C2orf80: variants seen among roughly 807,000 people sequenced by gnomAD.
The protein encoded by C2orf80 is chromosome 2 open reading frame 80, also known as uncharacterized protein C2orf80.
A neutral mutation model predicts 30.2 loss-of-function variants in C2orf80; 28 were observed. The ratio of observed to expected loss-of-function variants is 0.93; its 90% CI spans 0.69 to 1.27. The LOEUF (loss-of-function observed/expected upper bound fraction) is 1.27. Ranked by LOEUF, C2orf80 falls within the 50% of genes most tolerant of loss-of-function variation. C2orf80 has a pLI of 0.00. For synonymous variants in C2orf80, 80 were observed against 76.4 expected (o/e 1.05, Z -0.24); for missense variants, 220 against 231.0 (o/e 0.95, Z 0.31).
intron 6 of C2orf80, among the ~76,000 whole-genome samples, chr2:208,173,936 T>C (rs1270760719): frequency 6.6e-6 from 1 of 152,042 alleles, no homozygotes; most frequent in Non-Finnish European, 1.5e-5. Context: ...AGTGTGTTTT[T>C]AATCCCTCAT....
Position 208,182,251 on chromosome 2 carries a change from T to C in C2orf80, c.206+714A>G, listed in dbSNP as rs564399901. On this transcript the variant is annotated intron_variant, in intron 4 of 8. Transcript: ENST00000341287. Reference sequence around the variant, plus strand: ...GCTGGTAATCCCAGAAAGAAAATTATTCTGCGCTTCAAACAGCTCAGCTCA... The same window carrying C: ...GCTGGTAATCCCAGAAAGAAAATTACTCTGCGCTTCAAACAGCTCAGCTCA... 1.8e-4 allele frequency among the ~76,000 whole-genome samples: 27 copies of C among 152,344 alleles called. No homozygotes were observed. The South Asian group carries it at 4.1e-3, about 23-fold the overall frequency.
intron 8 of C2orf80, among the ~76,000 whole-genome samples, chr2:208,169,670 G>A (rs1319845444): frequency 6.7e-6 from 1 of 149,226 alleles, no homozygotes; most frequent in Non-Finnish European, 1.5e-5. Context: ...CTGAGATTGT[G>A]CCATTGCACT....
At chr2:208,166,116 A>G (rs528562080) in intron 8 of C2orf80, among the ~76,000 whole-genome samples, 18 of 152,368 alleles carry the variant, frequency 1.2e-4, no homozygotes, top group African/African-American at 4.1e-4. Context: ...TAGAGAGTAC[A>G]TTAAATAAAA....
At chr2:208,180,064 A>T (rs1276361753) in intron 6 of C2orf80, among the ~76,000 whole-genome samples, 1 of 152,186 alleles carries the variant, frequency 6.6e-6, no homozygotes, top group African/African-American at 2.4e-5. Flanking sequence ...ATCTTGTCCT[A>T]GTTCTAGAAG....
At chr2:208,173,990 T>TCTCCACCCTGTCTC (rs2105897143) in intron 6 of C2orf80, among the ~76,000 whole-genome samples, 1 of 152,188 alleles carries the variant, frequency 6.6e-6, no homozygotes, top group African/African-American at 2.4e-5. Flanking sequence ...CCTCACCCTG[T>TCTCCACCCTGTCTC]CACCCAGGCT....
chr2:208,170,765 G>A (rs1452495465), intron 8 of C2orf80, among the ~76,000 whole-genome samples, 180 bp downstream of exon 8: 1 of 152,166 alleles, frequency 6.6e-6, no homozygotes, highest in African/African-American at 2.4e-5. Context: ...TGCAGATGAG[G>A]AAACTAAGGC....
intron 1 of C2orf80, among the ~76,000 whole-genome samples, chr2:208,187,843 CTCTA>C (rs1372550401): frequency 6.6e-6 from 1 of 151,552 alleles, no homozygotes; most frequent in Non-Finnish European, 1.5e-5. Flanking sequence ...GCAGATTGCC[CTCTA>C]TCTGAGTGAG....
chr2:208,176,953 C>CAGATA (rs1559340548), intron 6 of C2orf80, among the ~76,000 whole-genome samples: 363 of 4,948 alleles, frequency 0.073, 30 homozygotes, highest in African/African-American at 0.13. Flanking sequence ...GTATACATAT[C>CAGATA]TGTATACATA....
At chr2:208,188,909 G>T (rs1415975801) in intron 1 of C2orf80, among the ~76,000 whole-genome samples, 1 of 152,128 alleles carries the variant, frequency 6.6e-6, no homozygotes, top group Non-Finnish European at 1.5e-5. Context: ...ATGGGGAGAG[G>T]ATGCAGCAAG....
intron 1 of C2orf80, among the ~76,000 whole-genome samples, chr2:208,188,795 G>A (rs1696794468): frequency 6.6e-6 from 1 of 152,160 alleles, no homozygotes; most frequent in Non-Finnish European, 1.5e-5. Context: ...AGTTTTTGGG[G>A]AGTGGACGGG....
chr2:208,183,153 T>C (rs1324495970), intron 3 of C2orf80, 106 bp from the exon 4 acceptor site: 1 of 813,096 alleles, frequency 1.2e-6, no homozygotes, highest in East Asian at 2.5e-5. Context: ...TAGTCTGTCA[T>C]GTCCAAAATG....
intron 7 of C2orf80, 105 bp downstream of exon 7, chr2:208,171,883 G>T (rs1191501457): frequency 4.2e-6 from 4 of 960,904 alleles, no homozygotes; most frequent in African/African-American, 1.6e-5. Flanking sequence ...ACCAGACATA[G>T]AAATCTAATT....
chr2:208,177,513 C>T (rs1339344369), intron 6 of C2orf80, among the ~76,000 whole-genome samples: 2 of 152,148 alleles, frequency 1.3e-5, no homozygotes, highest in South Asian at 2.1e-4. Context: ...TGCACTCCAG[C>T]CTGGGCAACA....
At chr2:208,173,033 T>G (rs1326818440) in intron 6 of C2orf80, among the ~76,000 whole-genome samples, 2 of 146,788 alleles carry the variant, frequency 1.4e-5, no homozygotes, top group African/African-American at 5.0e-5. Flanking sequence ...GCAGGGGAAT[T>G]GCTTGAACCC....
intron 8 of C2orf80, among the ~76,000 whole-genome samples, chr2:208,166,716 G>C (rs577819830): frequency 6.6e-6 from 1 of 151,998 alleles, no homozygotes; most frequent in East Asian, 1.9e-4. Context: ...ATGCAGTGGC[G>C]GGATCTCGGC....
intron 8 of C2orf80, among the ~76,000 whole-genome samples, chr2:208,169,840 G>A (rs570600918): frequency 4.7e-4 from 71 of 152,208 alleles, no homozygotes; most frequent in African/African-American, 1.6e-3. Flanking sequence ...CAGTTGTTCT[G>A]TTATCAGAAT....
chr2:208,177,000 TATA>T (rs1696367505), intron 6 of C2orf80, among the ~76,000 whole-genome samples: 2 of 77,982 alleles, frequency 2.6e-5, no homozygotes, highest in South Asian at 4.5e-4. Flanking sequence ...TGTATACATA[TATA>T]CATATATACA....
At chr2:208,189,885 G>A in intron 1 of C2orf80, 68 bp downstream of exon 1, 1 of 701,198 alleles carries the variant, frequency 1.4e-6, no homozygotes, top group East Asian at 2.7e-5. Context: ...TGCAATCGTG[G>A]TACAGGTCTC....
chr2:208,179,713 T>C (rs1696489955), intron 6 of C2orf80, among the ~76,000 whole-genome samples: 1 of 152,094 alleles, frequency 6.6e-6, no homozygotes, highest in South Asian at 2.1e-4. Flanking sequence ...CTTTTTTTTT[T>C]TTTAAGATCA....
Sources: allele counts gnomAD v4.1 joint callset (sites outside exome capture counted in the v4.1 genomes callset), GRCh38; gene constraint gnomAD v4.1.1; transcripts MANE v1.5; gene names NCBI Gene and HGNC (gene_info 2026-07-23, HGNC 2026-07-21).